The following PTPRD variants were observed in gnomAD, a reference collection of about 807,000 sequenced individuals.
The protein encoded by PTPRD is protein tyrosine phosphatase receptor type D, also known as receptor-type tyrosine-protein phosphatase delta.
In PTPRD, 34 loss-of-function variants were observed where a neutral mutation model predicts 214.5. The observed-to-expected ratio is 0.16, with a 90% confidence interval of 0.12 to 0.21. PTPRD has a LOEUF of 0.21. PTPRD is among the 10% of genes least tolerant of loss of function. The probability of loss-of-function intolerance (pLI) is 1.00; values close to 1 mark genes in which losing one functional copy is unlikely to be tolerated. For synonymous variants in PTPRD, 1,128 were observed against 845.7 expected, an observed-to-expected ratio of 1.33 and a Z score of -5.79; for missense variants, 2,545 against 2,398.7, an observed-to-expected ratio of 1.06 and a Z score of -1.27.
intron 9 of PTPRD, among the ~76,000 whole-genome samples, chr9:9,254,911 G>C (rs1424489886): frequency 6.6e-6 from 1 of 151,968 alleles, no homozygotes; most frequent in Non-Finnish European, 1.5e-5. Flanking sequence ...TAGGATATTT[G>C]TGATTTACTA....
chr9:9,314,698 C>A (rs933951385), intron 9 of PTPRD, among the ~76,000 whole-genome samples: 2 of 151,968 alleles, frequency 1.3e-5, no homozygotes, highest in Non-Finnish European at 2.9e-5. Context: ...TGAAATACAA[C>A]GTGTGAACAA....
intron 2 of PTPRD, among the ~76,000 whole-genome samples, chr9:10,531,894 G>T (rs1414102700): frequency 6.6e-6 from 1 of 152,178 alleles, no homozygotes; most frequent in Non-Finnish European, 1.5e-5. Context: ...GTGGACAATG[G>T]TAACTTTCCC....
intron 4 of PTPRD, among the ~76,000 whole-genome samples, chr9:9,962,116 A>G (rs1437595478): frequency 6.6e-6 from 1 of 152,144 alleles, no homozygotes; most frequent in Non-Finnish European, 1.5e-5. Context: ...CAGCAGAACC[A>G]AATTTTTAAA....
intron 4 of PTPRD, among the ~76,000 whole-genome samples, chr9:9,999,066 A>G (rs1306038446): frequency 1.3e-5 from 2 of 152,210 alleles, no homozygotes; most frequent in Admixed American, 1.3e-4. Flanking sequence ...AGGAAGCCTC[A>G]AGGCATTAGC....
chr9:9,379,242 A>T (rs2061547027), intron 9 of PTPRD, among the ~76,000 whole-genome samples: 1 of 143,824 alleles, frequency 7.0e-6, no homozygotes, highest in African/African-American at 2.6e-5. Context: ...ATATATATAT[A>T]TATATTTGCC....
At chr9:8,336,639 A>AC (rs1209866932) in intron 43 of PTPRD, among the ~76,000 whole-genome samples, 1 of 151,428 alleles carries the variant, frequency 6.6e-6, no homozygotes, top group Non-Finnish European at 1.5e-5. Flanking sequence ...AAAAAAAAAA[A>AC]AAAAAAACTA....
intron 11 of PTPRD, among the ~76,000 whole-genome samples, chr9:9,015,214 A>T (rs2099529559): frequency 6.6e-6 from 1 of 152,134 alleles, no homozygotes; most frequent in Non-Finnish European, 1.5e-5. Context: ...CAATGTTGAG[A>T]CCTACTGGGC....
intron 3 of PTPRD, among the ~76,000 whole-genome samples, chr9:10,112,319 T>C (rs1470662158): frequency 1.3e-5 from 2 of 152,214 alleles, no homozygotes; most frequent in Admixed American, 6.5e-5. Context: ...TCCATGGAGT[T>C]AATAGGAGGC....
chr9:9,615,562 T>C (rs1003626803), intron 7 of PTPRD, among the ~76,000 whole-genome samples: 2 of 152,192 alleles, frequency 1.3e-5, no homozygotes, highest in South Asian at 4.1e-4. Context: ...ATAGTTTGTT[T>C]GTTTGTTTGT....
rs35772205 is a variant in PTPRD, at chr9:9,547,796, TCACA to T, written c.-237+26932_-237+26935del. 1.0e-3 allele frequency among the ~76,000 whole-genome samples: 146 copies of T among 142,472 alleles called. 4 individuals are homozygous for T. The highest frequency in any genetic ancestry group is 5.8e-3 in the Admixed American group (82 of 14,096). The allele number at this position is 142,472 out of a possible 152,430, so 93.5% of individuals were successfully genotyped here. On this transcript the variant is annotated intron_variant, in intron 8 of 45. Transcript: ENST00000381196. The stretch of plus-strand genomic sequence containing the variant: ...TAAGAAAGCTCAAATAAACACAAAT[TCACA>T]CACACACACACACACACACACACAT...
chr9:9,010,319 T>G (rs2099504435), intron 11 of PTPRD, among the ~76,000 whole-genome samples: 1 of 152,180 alleles, frequency 6.6e-6, no homozygotes. Context: ...GGGACAACAT[T>G]ATCCATAAGA....
At chr9:9,348,172 A>G (rs973879504) in intron 9 of PTPRD, among the ~76,000 whole-genome samples, 1 of 152,192 alleles carries the variant, frequency 6.6e-6, no homozygotes, top group Non-Finnish European at 1.5e-5. Flanking sequence ...TATCTTTAGA[A>G]AAGAAGCAAG....
At chr9:9,491,003 T>C (rs918839195) in intron 8 of PTPRD, among the ~76,000 whole-genome samples, 1 of 151,638 alleles carries the variant, frequency 6.6e-6, no homozygotes, top group African/African-American at 2.4e-5. Context: ...AGTTAGACAA[T>C]GGCAGAATGA....
intron 12 of PTPRD, among the ~76,000 whole-genome samples, chr9:8,696,590 G>A (rs567585346): frequency 6.6e-6 from 1 of 152,278 alleles, no homozygotes; most frequent in Non-Finnish European, 1.5e-5. Context: ...GGGCAGGGGA[G>A]AAAGATGAGT....
At chr9:10,473,993 T>C (rs556720815) in intron 2 of PTPRD, among the ~76,000 whole-genome samples, 4 of 151,982 alleles carry the variant, frequency 2.6e-5, no homozygotes, top group South Asian at 4.2e-4. Flanking sequence ...AAGCACTAAA[T>C]ATGGAAAGGA....
At chr9:8,768,030 A>G (rs1401562219) in intron 11 of PTPRD, among the ~76,000 whole-genome samples, 1 of 152,244 alleles carries the variant, frequency 6.6e-6, no homozygotes, top group Admixed American at 6.5e-5. Context: ...ATATTTCACC[A>G]ATTTCTCAAA....
At chr9:9,132,907 A>G (rs2099844984) in intron 10 of PTPRD, among the ~76,000 whole-genome samples, 1 of 152,246 alleles carries the variant, frequency 6.6e-6, no homozygotes, top group African/African-American at 2.4e-5. Context: ...TGCTGAGAAT[A>G]GGGATGGCAT....
intron 11 of PTPRD, among the ~76,000 whole-genome samples, chr9:8,876,756 C>T (rs2098395266): frequency 6.6e-6 from 1 of 152,100 alleles, no homozygotes; most frequent in Admixed American, 6.5e-5. Flanking sequence ...CAAATAAGAA[C>T]TTGTTTTCCA....
At chr9:9,657,596 A>G (rs2096544427) in intron 7 of PTPRD, among the ~76,000 whole-genome samples, 1 of 152,232 alleles carries the variant, frequency 6.6e-6, no homozygotes, top group South Asian at 2.1e-4. Context: ...AACTTGAAAT[A>G]TAATAATAGT....
Sources: gnomAD v4.1 joint callset for allele counts (sites outside exome capture counted in the v4.1 genomes callset) on GRCh38, gnomAD v4.1.1 for gene constraint, MANE v1.5 for transcripts, NCBI Gene and HGNC (gene_info 2026-07-23, HGNC 2026-07-21) for gene names.